Variants in LITAF observed in about 807,000 individuals in gnomAD.
LITAF encodes the protein lipopolysaccharide induced TNF factor, also known as lipopolysaccharide-induced tumor necrosis factor-alpha factor.
LITAF carries 9 observed loss-of-function variants against 14.5 expected under a neutral mutation model. That is an observed-to-expected ratio of 0.62 (90% CI 0.37 to 1.08). The LOEUF is 1.08. LITAF is among the 50% of genes least tolerant of loss of function. LITAF has a pLI of 0.01. For synonymous variants in LITAF, 98 were observed against 88.2 expected (o/e 1.11, Z -0.62); for missense variants, 206 against 213.4 (o/e 0.97, Z 0.22).
In LITAF at chr16:11,610,419, TTA is replaced by T. The variant is rs1444239395; in HGVS notation, c.85+23112_85+23113del. On this transcript the variant is annotated intron_variant, in intron 3 of 3. Coordinates refer to the LITAF transcript ENST00000574848. ...TGGCGGTCGGGCAGGCAGGAAATCT[TTA>T]TTCTGGTCCTTCAAGCCCCAGCCTG... 1.9e-4 allele frequency among the ~76,000 whole-genome samples: 11 copies of T among 57,510 alleles called. No individual in the cohort carries two copies. The East Asian group carries it at 6.5e-3, about 34-fold the overall frequency. The allele number at this position is 57,510 out of a possible 152,430, so 37.7% of individuals were successfully genotyped here.
rs78253827 is a variant in LITAF at position 11,583,991 on chromosome 16, C to A, written c.-6+2895G>T. Among the ~76,000 whole-genome samples, 128 of 152,246 alleles carry A rather than the reference C, an allele frequency of 8.4e-4. 1 individual carries two copies. The highest frequency in any genetic ancestry group is 2.1e-3 in the African/African-American group (86 of 41,542). ...CTACAAAGCTGTTGTCACCTGTGTC[C>A]AGAGTGTCAATCAATACAGGCTCAA... On this transcript the variant is annotated intron_variant, in intron 1 of 3. Coordinates refer to ENST00000622633, the MANE Select transcript of LITAF (RefSeq NM_001136472.2).
chr16:11,599,312 T>G (rs2064913522), upstream of LITAF, among the ~76,000 whole-genome samples: 1 of 152,088 alleles, frequency 6.6e-6, no homozygotes, highest in Non-Finnish European at 1.5e-5. Flanking sequence ...GAGACGGGGT[T>G]TCACCATGTT....
intron 3 of LITAF, among the ~76,000 whole-genome samples, chr16:11,608,079 C>T (rs1454332641): frequency 2.6e-5 from 4 of 152,208 alleles, no homozygotes; most frequent in African/African-American, 9.7e-5. Context: ...TGCCCCAGTA[C>T]ATCATCCCTT....
At chr16:11,595,983 TGGCCAGGACA>T (rs2064882425) in intron 1 of LITAF, among the ~76,000 whole-genome samples, 1 of 152,184 alleles carries the variant, frequency 6.6e-6, no homozygotes, top group African/African-American at 2.4e-5. Context: ...GATCTGCCTC[TGGCCAGGACA>T]GGATATCCCA....
intron 3 of LITAF, among the ~76,000 whole-genome samples, chr16:11,629,767 A>G (rs1466753985): frequency 6.6e-6 from 1 of 152,104 alleles, no homozygotes; most frequent in East Asian, 1.9e-4. Context: ...TCGAATCATG[A>G]TTCTGGGTTG....
At chr16:11,612,528 A>G (rs535569962) in intron 3 of LITAF, among the ~76,000 whole-genome samples, 8 of 152,234 alleles carry the variant, frequency 5.3e-5, no homozygotes, top group Non-Finnish European at 7.3e-5. Flanking sequence ...CGGTTAGAGC[A>G]AACTGCACTG....
At chr16:11,621,765 A>T (rs927728195) in intron 3 of LITAF, among the ~76,000 whole-genome samples, 1 of 151,556 alleles carries the variant, frequency 6.6e-6, no homozygotes, top group African/African-American at 2.4e-5. Context: ...CCCTGCCCCG[A>T]CTCTCTTCCC....
At chr16:11,551,499 G>T (rs373681060) in intron 3 of LITAF, among the ~76,000 whole-genome samples, 2 of 152,136 alleles carry the variant, frequency 1.3e-5, no homozygotes, top group African/African-American at 2.4e-5. Context: ...GGAAAGAAAG[G>T]TTGCCTCAAT....
At chr16:11,630,470 C>T (rs900274408) in intron 3 of LITAF, among the ~76,000 whole-genome samples, 1 of 152,196 alleles carries the variant, frequency 6.6e-6, no homozygotes, top group African/African-American at 2.4e-5. Context: ...CACAACCCTC[C>T]TCCTGTGCCC....
intron 3 of LITAF, among the ~76,000 whole-genome samples, chr16:11,624,268 A>G (rs571101204): frequency 1.3e-5 from 2 of 152,220 alleles, no homozygotes; most frequent in African/African-American, 4.8e-5. Context: ...TCCCCAACCA[A>G]CTAAACATTT....
intron 1 of LITAF, among the ~76,000 whole-genome samples, chr16:11,562,313 C>CA (rs57317505): frequency 0.017 from 1,036 of 60,894 alleles, 8 homozygotes; most frequent in Non-Finnish European, 0.019. Context: ...GACTCCGTCT[C>CA]AAAAAAAAAA....
rs34448402 is a variant in LITAF at position 11,553,577 on chromosome 16, G to A, written c.333C>T (p.Ala111=). The A allele has an allele frequency of 3.1e-3, 5,024 of 1,614,134 alleles. 10 individuals are homozygous for A. Among genetic ancestry groups the A allele is most frequent in the Middle Eastern group, 4.0e-3 (24 of 6,062 alleles). The change falls in exon 3 of 4, where the codon GCC becomes GCT. Residue 111 remains alanine (A), a synonymous_variant. Coordinates refer to ENST00000622633, the MANE Select transcript of LITAF (RefSeq NM_001136472.2). This position sits in a 1 kb window ranked among gnomAD's most constrained non-coding sequence, Gnocchi z 7.7. ...CGCAGGACAGCCAGGTCAGAGCACC[G>A]GCGTTATAGGACAGCTGACTCACGA... ...KMIVSQLSYN[A]GALTWLSCGS...
chr16:11,582,320 A>G (rs948678818), intron 1 of LITAF, among the ~76,000 whole-genome samples: 13 of 59,944 alleles, frequency 2.2e-4, no homozygotes, highest in African/African-American at 2.0e-3. Context: ...CTCACAACGG[A>G]AAAAAAAAAA....
chr16:11,614,298 C>CTT (rs34958536), intron 3 of LITAF, among the ~76,000 whole-genome samples: 10 of 134,940 alleles, frequency 7.4e-5, no homozygotes, highest in Admixed American at 1.5e-4. Flanking sequence ...TTTTTCTTTT[C>CTT]TTTTTTTTTT....
At chr16:11,626,788 G>C (rs968960877) in intron 3 of LITAF, among the ~76,000 whole-genome samples, 1 of 152,134 alleles carries the variant, frequency 6.6e-6, no homozygotes, top group Non-Finnish European at 1.5e-5. Flanking sequence ...AACATTTCAA[G>C]CTCTACTAGG....
chr16:11,567,577 T>A (rs773552112), intron 1 of LITAF, among the ~76,000 whole-genome samples: 5 of 152,202 alleles, frequency 3.3e-5, no homozygotes, highest in Non-Finnish European at 5.9e-5. Flanking sequence ...GGTTCATTTT[T>A]TTCTCCTTGG....
rs150091370 is a variant in LITAF at position 11,556,159 on chromosome 16, T to C, written c.220+352A>G. 21 of 430,918 alleles carry C rather than the reference T, an allele frequency of 4.9e-5. No individual in the cohort carries two copies. The East Asian group carries it at 6.8e-4, about 14-fold the overall frequency. 26.7% of individuals were successfully genotyped at this position (430,918 alleles called of 1,614,324 possible). ...CTCCTCCCTATTCCTACCTCGGCCC[T>C]GGCCTCAGGGCAGAAGTTCTGCATC... On this transcript the variant is annotated intron_variant, in intron 2 of 3. Coordinates refer to ENST00000622633, the MANE Select transcript of LITAF (RefSeq NM_001136472.2).
At chr16:11,620,301 T>C (rs957005161) in intron 3 of LITAF, among the ~76,000 whole-genome samples, 1 of 152,198 alleles carries the variant, frequency 6.6e-6, no homozygotes, top group African/African-American at 2.4e-5. Flanking sequence ...CCCTTGCTGA[T>C]GAGTGAGCTC....
At position 11,605,134 on chromosome 16, in the gene LITAF, CCTCT is replaced by C. The variant is rs139959574; in HGVS notation, c.85+28395_85+28398del. Among the ~76,000 whole-genome samples, 37 of 150,032 alleles carry C rather than the reference CCTCT, an allele frequency of 2.5e-4. No homozygotes were observed. Among genetic ancestry groups the C allele is most frequent in the Non-Finnish European group, 3.9e-4 (26 of 67,320 alleles). On this transcript the variant is annotated intron_variant, in intron 3 of 3. Coordinates refer to the LITAF transcript ENST00000574848. The surrounding 1 kb of genome is among the most constrained non-coding windows in gnomAD (Gnocchi z 4.7). ...TCCCAGGAACAGGAATGTGTCCTTT[CCTCT>C]CTCTCTCTCTCTCTCCACTGTGCAA... is the stretch of plus-strand genomic sequence containing the variant.
Sources: gnomAD v4.1 joint callset for allele counts (sites outside exome capture counted in the v4.1 genomes callset) on GRCh38, gnomAD v4.1.1 for gene constraint, Gnocchi (gnomAD v3.1) non-coding constraint, MANE v1.5 for transcripts, NCBI Gene and HGNC (gene_info 2026-07-23, HGNC 2026-07-21) for gene names.